The following TAFA2 variants were observed in gnomAD, a reference collection of about 807,000 sequenced individuals.
TAFA2 encodes the protein TAFA chemokine like family member 2.
TAFA2 carries 7 observed loss-of-function variants against 18.8 expected under a neutral mutation model. The ratio of observed to expected loss-of-function variants is 0.37; its 90% confidence interval spans 0.21 to 0.70. TAFA2 has a LOEUF of 0.70. Ranked by LOEUF, TAFA2 falls within the 30% of genes least tolerant of loss-of-function variation. The probability of loss-of-function intolerance (pLI) is 0.53; values close to 1 mark genes in which losing one functional copy is unlikely to be tolerated. For synonymous variants in TAFA2, 60 were observed against 54.2 expected, an observed-to-expected ratio of 1.11 and a Z score of -0.47; for missense variants, 122 against 158.1, an observed-to-expected ratio of 0.77 and a Z score of 1.23.
intron 2 of TAFA2, among the ~76,000 whole-genome samples, chr12:61,838,644 G>GCAAA (rs1250509617): frequency 6.6e-6 from 1 of 151,910 alleles, no homozygotes; most frequent in Admixed American, 6.6e-5. Context: ...ACAAAGAGAA[G>GCAAA]CAAACAAACA....
intron 1 of TAFA2, among the ~76,000 whole-genome samples, chr12:61,927,093 A>T (rs1877334095): frequency 7.0e-6 from 1 of 142,814 alleles, no homozygotes; most frequent in Non-Finnish European, 1.5e-5. Context: ...AAAAAAAAAA[A>T]ATACAGGCAC....
intron 1 of TAFA2, among the ~76,000 whole-genome samples, chr12:62,139,664 A>G (rs2062224611): frequency 6.6e-6 from 1 of 152,156 alleles, no homozygotes. Flanking sequence ...CATCTTAGTA[A>G]CAAGCATTAC....
At chr12:61,963,484 T>C (rs1878960463) in intron 1 of TAFA2, among the ~76,000 whole-genome samples, 1 of 152,066 alleles carries the variant, frequency 6.6e-6, no homozygotes, top group Non-Finnish European at 1.5e-5. Flanking sequence ...GTTGGCTGCA[T>C]AAATGTCTTC....
At chr12:62,012,723 C>A (rs1297183515) in intron 1 of TAFA2, among the ~76,000 whole-genome samples, 2 of 151,994 alleles carry the variant, frequency 1.3e-5, no homozygotes, top group Non-Finnish European at 2.9e-5. Flanking sequence ...TTAACCTTAT[C>A]AATAAAAAAG....
intron 1 of TAFA2, 63 bp from the exon 2 acceptor site, chr12:61,867,489 G>A: frequency 1.0e-6 from 1 of 986,596 alleles, no homozygotes; most frequent in South Asian, 1.4e-5. Context: ...CCTTATGATT[G>A]TGCTACATGT....
At chr12:62,141,120 G>T (rs1312651269) in intron 1 of TAFA2, among the ~76,000 whole-genome samples, 1 of 152,178 alleles carries the variant, frequency 6.6e-6, no homozygotes, top group Non-Finnish European at 1.5e-5. Context: ...ATTGTCCAAG[G>T]TTACCAGTCA....
At chr12:61,837,375 T>C (rs947706269) in intron 2 of TAFA2, among the ~76,000 whole-genome samples, 2 of 152,056 alleles carry the variant, frequency 1.3e-5, no homozygotes, top group African/African-American at 2.4e-5. Flanking sequence ...TAAAAATGAA[T>C]GTTGTTCTTT....
intron 1 of TAFA2, among the ~76,000 whole-genome samples, chr12:61,907,831 G>A (rs1876427541): frequency 6.6e-6 from 1 of 152,238 alleles, no homozygotes; most frequent in Non-Finnish European, 1.5e-5. Context: ...GTGTGCCCTG[G>A]ATGTGAGACA....
intron 1 of TAFA2, among the ~76,000 whole-genome samples, chr12:62,232,935 C>T (rs939294878): frequency 1.3e-5 from 2 of 152,040 alleles, no homozygotes; most frequent in African/African-American, 2.4e-5. Flanking sequence ...ACCCCACCTC[C>T]TTTTATCTGC....
chr12:62,097,424 G>A (rs1296771422), intron 1 of TAFA2, among the ~76,000 whole-genome samples: 1 of 152,140 alleles, frequency 6.6e-6, no homozygotes, highest in African/African-American at 2.4e-5. Flanking sequence ...TGAAACCAAT[G>A]AGAGCTTGGC....
intron 1 of TAFA2, among the ~76,000 whole-genome samples, chr12:62,212,367 C>T (rs1011482244): frequency 1.3e-5 from 2 of 152,196 alleles, no homozygotes; most frequent in Non-Finnish European, 2.9e-5. Flanking sequence ...GTATTTCACA[C>T]ATAAGCCTAC....
At chr12:61,791,489 T>C (rs1228205046) in intron 2 of TAFA2, among the ~76,000 whole-genome samples, 1 of 151,718 alleles carries the variant, frequency 6.6e-6, no homozygotes, top group Non-Finnish European at 1.5e-5. Flanking sequence ...AAGGGGTAAA[T>C]ATCTAGAATA....
intron 4 of TAFA2, among the ~76,000 whole-genome samples, chr12:61,737,091 ACACTACTAC>A (rs1868316930): frequency 6.6e-6 from 1 of 151,962 alleles, no homozygotes; most frequent in Non-Finnish European, 1.5e-5. Context: ...GTGATGGCAC[ACACTACTAC>A]CTTTGAGATA....
chr12:61,920,417 A>T (rs1877002030), intron 1 of TAFA2, among the ~76,000 whole-genome samples: 1 of 152,196 alleles, frequency 6.6e-6, no homozygotes, highest in Non-Finnish European at 1.5e-5. Context: ...AAAAGATGGA[A>T]AGTTGGCACC....
intron 1 of TAFA2, among the ~76,000 whole-genome samples, chr12:61,955,400 G>A (rs1026514100): frequency 1.3e-5 from 2 of 150,878 alleles, no homozygotes; most frequent in Non-Finnish European, 2.9e-5. Flanking sequence ...TCAAGAGATC[G>A]AGACCATCCT....
At chr12:62,085,164 C>T (rs1565739455) in intron 1 of TAFA2, among the ~76,000 whole-genome samples, 1 of 152,132 alleles carries the variant, frequency 6.6e-6, no homozygotes, top group Non-Finnish European at 1.5e-5. Context: ...ATAAAAAGGA[C>T]TGGATTTCTT....
chr12:62,042,513 T>A (rs572734722), intron 1 of TAFA2, among the ~76,000 whole-genome samples: 2 of 152,074 alleles, frequency 1.3e-5, no homozygotes. Context: ...CCAGTGTCCC[T>A]GCTGGAATAG....
chr12:61,985,916 A>G (rs557307821), intron 1 of TAFA2, among the ~76,000 whole-genome samples: 4 of 152,248 alleles, frequency 2.6e-5, no homozygotes, highest in Non-Finnish European at 5.9e-5. Context: ...TTAATGGGGC[A>G]GGCATTGGTA....
chr12:61,991,932 G>A (rs1167919339), intron 1 of TAFA2, among the ~76,000 whole-genome samples: 1 of 152,018 alleles, frequency 6.6e-6, no homozygotes, highest in Non-Finnish European at 1.5e-5. Context: ...CCTTCATGTT[G>A]GCCTGCAAAA....
Sources: allele counts gnomAD v4.1 joint callset (sites outside exome capture counted in the v4.1 genomes callset), GRCh38; gene constraint gnomAD v4.1.1; transcripts MANE v1.5; gene names NCBI Gene and HGNC (gene_info 2026-07-23, HGNC 2026-07-21).